The following ATXN2 variants were observed in gnomAD, a reference collection of about 807,000 sequenced individuals.
The protein encoded by ATXN2 is ataxin-2.
A neutral mutation model predicts 138.6 loss-of-function variants in ATXN2; 37 were observed. The observed-to-expected ratio is 0.27, with a 90% CI of 0.21 to 0.35. The LOEUF is 0.35. Among genes scored for constraint, ATXN2 ranks in the 10% least tolerant of loss-of-function variants. The pLI is 1.00. For missense variants in ATXN2, 1,216 were observed against 1,480.3 expected (o/e 0.82, Z 2.93); for synonymous variants, 549 against 543.7 (o/e 1.01, Z -0.13).
intron 5 of ATXN2, among the ~76,000 whole-genome samples, chr12:111,527,351 TA>T (rs1478498095): frequency 6.6e-6 from 1 of 152,182 alleles, no homozygotes; most frequent in Non-Finnish European, 1.5e-5. Flanking sequence ...AATCAACAAC[TA>T]AACACACAAT....
At chr12:111,510,722 T>C in intron 11 of ATXN2, 140 bp from the exon 12 acceptor site, 1 of 722,358 alleles carries the variant, frequency 1.4e-6, no homozygotes, top group Non-Finnish European at 2.1e-6. Flanking sequence ...ACTGTTTTCT[T>C]TTCCAAAATG....
chr12:111,597,723 G>A (rs1885007117), intron 1 of ATXN2: 7 of 638,388 alleles, frequency 1.1e-5, no homozygotes, highest in South Asian at 2.9e-5. Flanking sequence ...GGCTTAGGAG[G>A]GAAAAAGACG....
At chr12:111,585,757 C>T (rs1055629361) in intron 1 of ATXN2, among the ~76,000 whole-genome samples, 1 of 135,938 alleles carries the variant, frequency 7.4e-6, no homozygotes, top group Admixed American at 8.1e-5. Flanking sequence ...GCAGAGATGG[C>T]GCCATTGCAC....
intron 18 of ATXN2, among the ~76,000 whole-genome samples, chr12:111,477,355 A>C (rs1236552677): frequency 6.6e-6 from 1 of 151,996 alleles, no homozygotes; most frequent in Non-Finnish European, 1.5e-5. Flanking sequence ...CTCTTGTTTC[A>C]AGAACAGAAA....
intron 1 of ATXN2, among the ~76,000 whole-genome samples, chr12:111,560,079 A>G (rs1252694910): frequency 6.6e-6 from 1 of 152,150 alleles, no homozygotes; most frequent in Non-Finnish European, 1.5e-5. Context: ...GATCTCAGAA[A>G]CTATCCCTTC....
chr12:111,595,630 G>A (rs1356807401), intron 1 of ATXN2, among the ~76,000 whole-genome samples: 4 of 142,838 alleles, frequency 2.8e-5, no homozygotes, highest in African/African-American at 7.9e-5. Flanking sequence ...CAAACACCGA[G>A]ACTCTGTCTC....
chr12:111,513,841 A>G (rs890756158), intron 10 of ATXN2, among the ~76,000 whole-genome samples: 1 of 152,160 alleles, frequency 6.6e-6, no homozygotes, highest in Non-Finnish European at 1.5e-5. Flanking sequence ...GTCAACTCTT[A>G]AAAGAACTGT....
In ATXN2 at chr12:111,599,294, G is replaced by A. The variant is rs1008190781; in HGVS notation, c.-260C>T. ...GTTGCCGTTGCTACCAAAACAGTCT[G>A]AGGCGGAGGGAGGCGAGCTCTGCCG... On this transcript the variant is annotated 5_prime_UTR_variant, in exon 1 of 25. Coordinates refer to ENST00000673436, the MANE Select transcript of ATXN2 (RefSeq NM_001372574.1). 4.4e-5 allele frequency: 52 copies of A among 1,190,146 alleles called. No homozygotes were observed. In the African/African-American group the frequency reaches 7.6e-4, roughly 17 times the overall value. The allele number at this position is 1,190,146 out of a possible 1,614,324, so 73.7% of individuals were successfully genotyped here.
intron 11 of ATXN2, 101 bp from the exon 12 acceptor site, chr12:111,510,683 C>T: frequency 9.2e-7 from 1 of 1,086,550 alleles, no homozygotes; most frequent in Non-Finnish European, 1.3e-6. Context: ...ATAAAACTGT[C>T]CTCTCTAGCC....
chr12:111,567,449 G>C (rs929400434), intron 1 of ATXN2, among the ~76,000 whole-genome samples: 27 of 151,908 alleles, frequency 1.8e-4, no homozygotes, highest in African/African-American at 6.0e-4. Context: ...GCAGTAAGCT[G>C]AGATTGAGCC....
chr12:111,503,748 C>T (rs1878936624), intron 14 of ATXN2, among the ~76,000 whole-genome samples: 3 of 151,824 alleles, frequency 2.0e-5, no homozygotes, highest in East Asian at 3.9e-4. Context: ...TGCCACCATG[C>T]CCGGCTAATT....
chr12:111,452,900 T>A, intron 24 of ATXN2, 60 bp from the exon 25 acceptor site: 1 of 1,582,494 alleles, frequency 6.3e-7, no homozygotes, highest in Non-Finnish European at 8.6e-7. Flanking sequence ...ATCAGCCTAG[T>A]GTCTCTGCAG....
intron 5 of ATXN2, among the ~76,000 whole-genome samples, chr12:111,533,365 A>T (rs1880953522): frequency 6.6e-6 from 1 of 152,120 alleles, no homozygotes. Context: ...GTATTTGCAT[A>T]CTCTCGCATA....
chr12:111,587,584 A>C (rs1200495242), intron 1 of ATXN2, among the ~76,000 whole-genome samples: 1 of 152,030 alleles, frequency 6.6e-6, no homozygotes, highest in Admixed American at 6.6e-5. Context: ...TGAGCCCAGG[A>C]TGTTGAGGCT....
intron 5 of ATXN2, among the ~76,000 whole-genome samples, chr12:111,527,804 G>C (rs927655806): frequency 2.6e-5 from 4 of 152,202 alleles, no homozygotes; most frequent in Non-Finnish European, 5.9e-5. Flanking sequence ...TTTGCTGAAA[G>C]CTACTGATGG....
At chr12:111,588,720 G>T (rs993650896) in intron 1 of ATXN2, among the ~76,000 whole-genome samples, 8 of 151,864 alleles carry the variant, frequency 5.3e-5, no homozygotes, top group Admixed American at 5.3e-4. Context: ...GGCCGGACGC[G>T]GTGGCTCATG....
chr12:111,535,603 C>G (rs1427180987), intron 5 of ATXN2, among the ~76,000 whole-genome samples: 1 of 151,984 alleles, frequency 6.6e-6, no homozygotes, highest in East Asian at 1.9e-4. Context: ...ACCTGGGCAA[C>G]AGAGTGAGAC....
intron 18 of ATXN2, chr12:111,482,916 T>C (rs1486722199): frequency 6.6e-6 from 1 of 151,062 alleles, no homozygotes; most frequent in Non-Finnish European, 1.5e-5. Context: ...AGGTCAAACA[T>C]GGAGAAAATT....
At chr12:111,532,560 T>C (rs957484530) in intron 5 of ATXN2, among the ~76,000 whole-genome samples, 1 of 152,188 alleles carries the variant, frequency 6.6e-6, no homozygotes, top group Non-Finnish European at 1.5e-5. Flanking sequence ...TATAGGTGCT[T>C]AAGTCATAAA....
Sources: allele counts gnomAD v4.1 joint callset (sites outside exome capture counted in the v4.1 genomes callset), GRCh38; gene constraint gnomAD v4.1.1; transcripts MANE v1.5; gene names NCBI Gene and HGNC (gene_info 2026-07-23, HGNC 2026-07-21).